LIMCH1: variants seen among roughly 807,000 people sequenced by gnomAD.
The protein encoded by LIMCH1 is LIM and calponin homology domains-containing protein 1.
In LIMCH1, 113 loss-of-function variants were observed where a neutral mutation model predicts 176.5. The observed-to-expected ratio is 0.64, with a 90% CI of 0.55 to 0.75. The LOEUF (loss-of-function observed/expected upper bound fraction) is 0.75, where lower values mean the gene tolerates loss of function less well. LIMCH1 is among the 30% of genes least tolerant of loss of function. The pLI, the probability that LIMCH1 is intolerant of heterozygous loss-of-function variation, is 0.00. For synonymous variants in LIMCH1, 619 were observed against 645.9 expected (o/e 0.96, Z 0.63); for missense variants, 1,674 against 1,814.9 (o/e 0.92, Z 1.41).
At chr4:41,671,104 AG>A (rs2095005768) in intron 21 of LIMCH1, 3 of 601,332 alleles carry the variant, frequency 5.0e-6, no homozygotes, top group Admixed American at 1.3e-4. Flanking sequence ...AACTGATCAT[AG>A]TTCTCTTGTT....
chr4:41,561,609 T>G (rs1405655501), intron 1 of LIMCH1, among the ~76,000 whole-genome samples: 2 of 152,136 alleles, frequency 1.3e-5, no homozygotes, highest in African/African-American at 4.8e-5. Flanking sequence ...AAAAAACAGT[T>G]TACAAAATTT....
At chr4:41,384,203 C>T (rs922161694) in intron 1 of LIMCH1, among the ~76,000 whole-genome samples, 1 of 151,034 alleles carries the variant, frequency 6.6e-6, no homozygotes, top group African/African-American at 2.4e-5. Context: ...ACATTACATC[C>T]TGCTTTCTTT....
Position 41,476,814 on chromosome 4 carries a change from T to C in LIMCH1, c.97-17722T>C, listed in dbSNP as rs201790342. ...AGCTGGATTCTTTGGGTACTTGTGA[T>C]GATTTTTTAAAAACAAAGATAAAAA... On this transcript the variant is annotated intron_variant, in intron 1 of 26. Coordinates refer to the LIMCH1 transcript ENST00000313860. 2.6e-5 allele frequency among the ~76,000 whole-genome samples: 4 copies of C among 152,354 alleles called. No homozygotes were observed. In the East Asian group the frequency reaches 5.8e-4, roughly 22 times the overall value.
chr4:41,468,218 T>G (rs1040838615), intron 1 of LIMCH1, among the ~76,000 whole-genome samples: 1 of 144,634 alleles, frequency 6.9e-6, no homozygotes, highest in Non-Finnish European at 1.5e-5. Flanking sequence ...CTGCCTTTAT[T>G]CCCTCCCTCC....
At chr4:41,576,665 G>C (rs79888439) in intron 1 of LIMCH1, among the ~76,000 whole-genome samples, 5,493 of 152,156 alleles carry the variant, frequency 0.036, 362 homozygotes, top group African/African-American at 0.13. Flanking sequence ...GCAGTAGTTA[G>C]GAATAGCATG....
rs531982718 is a variant in LIMCH1 at position 41,679,629 on chromosome 4, C to G, written c.3520-377C>G. 3.3e-5 allele frequency among the ~76,000 whole-genome samples: 5 copies of G among 152,232 alleles called. No homozygotes were observed. The South Asian group carries it at 1.0e-3, about 32-fold the overall frequency. On this transcript the variant is annotated intron_variant, in intron 23 of 31. Coordinates refer to ENST00000503057, the MANE Select transcript of LIMCH1 (RefSeq NM_001330672.2). ...TTCATCTTTTATTACACTCTCCTCG[C>G]AGCAATGCATTTCTATTAGTGGAAT...
chr4:41,418,146 G>T (rs922461389), intron 1 of LIMCH1, among the ~76,000 whole-genome samples: 4 of 152,136 alleles, frequency 2.6e-5, no homozygotes, highest in Non-Finnish European at 4.4e-5. Flanking sequence ...TATTTGTGAG[G>T]ATAGGTGAAG....
At chr4:41,599,223 A>G (rs2089486056) in intron 2 of LIMCH1, 197 bp downstream of exon 2, 1 of 411,518 alleles carries the variant, frequency 2.4e-6, no homozygotes, top group Non-Finnish European at 4.5e-6. Flanking sequence ...ATCAAACATC[A>G]TTTTTTGAAT....
chr4:41,679,467 A>G (rs1330751258), intron 23 of LIMCH1, among the ~76,000 whole-genome samples: 2 of 152,256 alleles, frequency 1.3e-5, no homozygotes, highest in Non-Finnish European at 2.9e-5. Flanking sequence ...CTCTTAATTC[A>G]GAAGTTACTT....
intron 18 of LIMCH1, among the ~76,000 whole-genome samples, chr4:41,658,299 G>A (rs1195859003): frequency 6.6e-6 from 1 of 152,210 alleles, no homozygotes; most frequent in Admixed American, 6.5e-5. Context: ...TGCAGTTTCT[G>A]CTGTTGCTAC....
intron 1 of LIMCH1, among the ~76,000 whole-genome samples, chr4:41,434,818 T>C (rs2061924318): frequency 6.6e-6 from 1 of 152,220 alleles, no homozygotes; most frequent in African/African-American, 2.4e-5. Context: ...TACCCAGCCC[T>C]GGATACTGTC....
intron 1 of LIMCH1, among the ~76,000 whole-genome samples, chr4:41,570,320 G>C (rs140469276): frequency 1.1e-3 from 162 of 152,274 alleles, no homozygotes; most frequent in African/African-American, 3.6e-3. Context: ...CTTTCCAAGG[G>C]GTTAAAGAAA....
chr4:41,689,526 G>C lies in LIMCH1; in HGVS notation c.4167-1G>C. On this transcript the variant is annotated splice_acceptor_variant, in intron 29 of 31. Transcript: ENST00000503057. LOFTEE classifies it high-confidence loss of function. Reference sequence around the variant, plus strand: ...ATTCTTATGTATATTTTTAAACCTAGGTCTATAAGTGGAAAGAAGCTGTGC... The same window carrying C: ...ATTCTTATGTATATTTTTAAACCTACGTCTATAAGTGGAAAGAAGCTGTGC... 6.4e-7 allele frequency: 1 copy of C among 1,564,266 alleles called. No homozygotes were observed. Among genetic ancestry groups the C allele is most frequent in the Non-Finnish European group, 8.8e-7 (1 of 1,134,750 alleles).
rs1246800834 is a variant in LIMCH1 at position 41,698,909 on chromosome 4, A to C, written c.*1724A>C. 1 of 152,656 alleles carries C rather than the reference A, an allele frequency of 6.6e-6. No individual in the cohort carries two copies. Among genetic ancestry groups the C allele is most frequent in the Non-Finnish European group, 1.5e-5 (1 of 68,036 alleles). 9.5% of individuals were successfully genotyped at this position (152,656 alleles called of 1,614,324 possible). On this transcript the variant is annotated 3_prime_UTR_variant, in exon 32 of 32. Coordinates refer to ENST00000503057, the MANE Select transcript of LIMCH1 (RefSeq NM_001330672.2). ...GATAAATTATGGATGCAGTACATTG[A>C]AGAGAGATGAAGTCACTTCCAAGTT...
intron 1 of LIMCH1, among the ~76,000 whole-genome samples, chr4:41,384,370 A>ATTT: frequency 7.0e-6 from 1 of 143,242 alleles, no homozygotes; most frequent in East Asian, 2.0e-4. Context: ...ACGCCGGGCT[A>ATTT]TTTTTTTTTT....
chr4:41,366,102 T>C (rs2052926715), intron 1 of LIMCH1, among the ~76,000 whole-genome samples: 1 of 152,200 alleles, frequency 6.6e-6, no homozygotes, highest in Non-Finnish European at 1.5e-5. Context: ...GCAGCTTCTC[T>C]TTTTGCTTTA....
intron 1 of LIMCH1, among the ~76,000 whole-genome samples, chr4:41,399,807 G>A (rs540868128): frequency 1.1e-4 from 16 of 142,098 alleles, no homozygotes; most frequent in Admixed American, 2.8e-4. Flanking sequence ...TCAGCCTCCC[G>A]AGTAGCTGGG....
chr4:41,439,979 T>G (rs2062532299), intron 1 of LIMCH1, among the ~76,000 whole-genome samples: 1 of 152,196 alleles, frequency 6.6e-6, no homozygotes, highest in African/African-American at 2.4e-5. Context: ...TTAATTCACT[T>G]GGTGATTTGT....
At chr4:41,601,483 AAGTC>A (rs934296435) in intron 2 of LIMCH1, among the ~76,000 whole-genome samples, 1 of 152,122 alleles carries the variant, frequency 6.6e-6, no homozygotes, top group African/African-American at 2.4e-5. Flanking sequence ...AGCAGGTACA[AAGTC>A]AGGGGAAGAG....
Sources: allele counts gnomAD v4.1 joint callset (sites outside exome capture counted in the v4.1 genomes callset), GRCh38; gene constraint gnomAD v4.1.1; transcripts MANE v1.5; gene names NCBI Gene and HGNC (gene_info 2026-07-23, HGNC 2026-07-21).